NRXN3: variants seen among roughly 807,000 people sequenced by gnomAD.
The protein encoded by NRXN3 is neurexin 3, also known as neurexin III.
A neutral mutation model predicts 137.6 loss-of-function variants in NRXN3; 32 were observed. The observed-to-expected ratio is 0.23, with a 90% CI of 0.18 to 0.31. NRXN3 has a LOEUF of 0.31. Among genes scored for constraint, NRXN3 ranks in the 10% least tolerant of loss-of-function variants. The probability of loss-of-function intolerance (pLI) is 1.00; values close to 1 mark genes in which losing one functional copy is unlikely to be tolerated. For synonymous variants in NRXN3, 798 were observed against 784.5 expected (o/e 1.02, Z -0.29); for missense variants, 1,574 against 2,062.5 (o/e 0.76, Z 4.59).
At chr14:79,499,030 A>C (rs1365975457) in intron 16 of NRXN3, among the ~76,000 whole-genome samples, 2 of 152,110 alleles carry the variant, frequency 1.3e-5, no homozygotes, top group Non-Finnish European at 2.9e-5. Context: ...GTTTTCTCTG[A>C]CACTCTCACT....
intron 6 of NRXN3, among the ~76,000 whole-genome samples, chr14:78,703,025 T>C (rs2098303822): frequency 6.6e-6 from 1 of 152,178 alleles, no homozygotes; most frequent in Admixed American, 6.5e-5. Flanking sequence ...GTCCAAACCC[T>C]GGTTAGGGTG....
At chr14:79,850,535 G>A (rs1236046358) in intron 20 of NRXN3, among the ~76,000 whole-genome samples, 1 of 152,132 alleles carries the variant, frequency 6.6e-6, no homozygotes, top group Non-Finnish European at 1.5e-5. Flanking sequence ...ATCGCATTTG[G>A]CATTTTAAAA....
intron 4 of NRXN3, among the ~76,000 whole-genome samples, chr14:78,540,285 G>A (rs1414353420): frequency 1.3e-5 from 2 of 152,086 alleles, no homozygotes; most frequent in Non-Finnish European, 2.9e-5. Context: ...ATGAATCTGG[G>A]TGCTCCTGCA....
intron 6 of NRXN3, among the ~76,000 whole-genome samples, chr14:78,666,766 TTC>T (rs1044474556): frequency 5.3e-5 from 8 of 152,128 alleles, no homozygotes; most frequent in African/African-American, 1.9e-4. Flanking sequence ...TCCACCTCTG[TTC>T]TCTCTGCTTT....
At chr14:78,419,926 T>TA (rs1345970430) in intron 4 of NRXN3, among the ~76,000 whole-genome samples, 2 of 151,012 alleles carry the variant, frequency 1.3e-5, no homozygotes, top group Non-Finnish European at 2.9e-5. Context: ...AATGTATATA[T>TA]ATCTGTGTGC....
intron 4 of NRXN3, among the ~76,000 whole-genome samples, chr14:78,373,053 G>A (rs2087149380): frequency 6.6e-6 from 1 of 152,180 alleles, no homozygotes; most frequent in Non-Finnish European, 1.5e-5. Flanking sequence ...TTACTGAAAA[G>A]GAAGTATCTA....
At chr14:78,941,563 G>C (rs75059503) in intron 10 of NRXN3, among the ~76,000 whole-genome samples, 117 of 152,290 alleles carry the variant, frequency 7.7e-4, no homozygotes, top group African/African-American at 2.1e-3. Context: ...CTGATCTGAA[G>C]TTCTACCCAT....
chr14:79,367,560 G>T (rs980501004), intron 15 of NRXN3, among the ~76,000 whole-genome samples: 17 of 152,128 alleles, frequency 1.1e-4, no homozygotes, highest in Admixed American at 1.0e-3. Flanking sequence ...CATCACATCA[G>T]GGAAAGGAAA....
intron 15 of NRXN3, among the ~76,000 whole-genome samples, chr14:79,232,053 C>T (rs1287037117): frequency 6.6e-6 from 1 of 152,092 alleles, no homozygotes; most frequent in Non-Finnish European, 1.5e-5. Flanking sequence ...AGGGAAGGAA[C>T]ATAAAAAATA....
chr14:79,397,678 A>G (rs948458108), intron 15 of NRXN3, among the ~76,000 whole-genome samples: 1 of 152,226 alleles, frequency 6.6e-6, no homozygotes, highest in Non-Finnish European at 1.5e-5. Context: ...CCAAGAATCC[A>G]TAAATTTGGC....
chr14:79,758,519 C>G (rs919471573), intron 19 of NRXN3, among the ~76,000 whole-genome samples: 1 of 152,174 alleles, frequency 6.6e-6, no homozygotes, highest in Non-Finnish European at 1.5e-5. Context: ...CATGCGGGAT[C>G]TGCCCCATGA....
intron 15 of NRXN3, among the ~76,000 whole-genome samples, chr14:79,336,696 C>T (rs2092285403): frequency 6.6e-6 from 1 of 152,188 alleles, no homozygotes; most frequent in Non-Finnish European, 1.5e-5. Context: ...GCGGGTGCTG[C>T]ATACATTGGA....
intron 6 of NRXN3, among the ~76,000 whole-genome samples, chr14:78,676,691 C>T: frequency 6.6e-6 from 1 of 152,126 alleles, no homozygotes; most frequent in Admixed American, 6.6e-5. Context: ...GATAAAAAGC[C>T]TTCTATTGGA....
At chr14:79,062,887 T>G (rs2099675946) in intron 15 of NRXN3, among the ~76,000 whole-genome samples, 1 of 152,202 alleles carries the variant, frequency 6.6e-6, no homozygotes, top group African/African-American at 2.4e-5. Flanking sequence ...CAGGGAAAAT[T>G]GGTTTTACCA....
At chr14:79,798,358 G>T (rs2140435951) in intron 19 of NRXN3, among the ~76,000 whole-genome samples, 1 of 152,310 alleles carries the variant, frequency 6.6e-6, no homozygotes, top group Non-Finnish European at 1.5e-5. Context: ...TCTCTCATCT[G>T]AGATATTCAG....
intron 4 of NRXN3, among the ~76,000 whole-genome samples, chr14:78,356,911 T>C (rs983141774): frequency 6.6e-5 from 10 of 152,176 alleles, no homozygotes; most frequent in African/African-American, 2.4e-4. Flanking sequence ...ATGCAGTGAC[T>C]TAACGTCATT....
intron 3 of NRXN3, among the ~76,000 whole-genome samples, chr14:78,289,232 T>C (rs1199277932): frequency 6.6e-6 from 1 of 152,226 alleles, no homozygotes; most frequent in Non-Finnish European, 1.5e-5. Context: ...TAGCTCATAA[T>C]TGCTGTTAGG....
intron 6 of NRXN3, chr14:78,698,050 A>G (rs957949778): frequency 1.3e-5 from 2 of 151,982 alleles, no homozygotes; most frequent in African/African-American, 4.8e-5. Context: ...GCCGTACAGC[A>G]CTGGTCCACG....
At chr14:78,279,065 A>G (rs1395384890) in intron 3 of NRXN3, among the ~76,000 whole-genome samples, 1 of 152,246 alleles carries the variant, frequency 6.6e-6, no homozygotes, top group Non-Finnish European at 1.5e-5. Context: ...TGACATACGT[A>G]GCATGGAAAA....
Sources: allele counts gnomAD v4.1 joint callset (sites outside exome capture counted in the v4.1 genomes callset), GRCh38; gene constraint gnomAD v4.1.1; transcripts MANE v1.5; gene names NCBI Gene and HGNC (gene_info 2026-07-23, HGNC 2026-07-21).